Variants in DLG2 observed in about 807,000 individuals in gnomAD.
DLG2 encodes disks large homolog 2.
Under a neutral mutation model 132.5 loss-of-function variants are expected in DLG2, and 45 were observed. That is an observed-to-expected ratio of 0.34 (90% CI 0.27 to 0.44). The LOEUF is 0.44. Among genes scored for constraint, DLG2 ranks in the 20% least tolerant of loss-of-function variants. The probability of loss-of-function intolerance (pLI) is 1.00; values close to 1 mark genes in which losing one functional copy is unlikely to be tolerated. For synonymous variants in DLG2, 424 were observed against 419.6 expected, an observed-to-expected ratio of 1.01 and a Z score of -0.13; for missense variants, 1,045 against 1,196.9, an observed-to-expected ratio of 0.87 and a Z score of 1.87.
intron 21 of DLG2, among the ~76,000 whole-genome samples, chr11:83,512,934 T>A (rs1351071078): frequency 1.3e-5 from 2 of 152,220 alleles, no homozygotes; most frequent in Admixed American, 6.5e-5. Context: ...TCTATCATTG[T>A]TGGACATTTG....
chr11:84,760,382 T>C (rs2067449418), intron 6 of DLG2, among the ~76,000 whole-genome samples: 1 of 152,146 alleles, frequency 6.6e-6, no homozygotes, highest in African/African-American at 2.4e-5. Context: ...GGGCAAAAAG[T>C]CCCCATAACC....
At chr11:84,280,222 G>C (rs140612502) in intron 7 of DLG2, among the ~76,000 whole-genome samples, 6 of 151,854 alleles carry the variant, frequency 4.0e-5, no homozygotes, top group African/African-American at 1.4e-4. Flanking sequence ...CTATATACTA[G>C]CAATAAATTC....
At chr11:84,551,932 C>T (rs970218385) in intron 6 of DLG2, among the ~76,000 whole-genome samples, 6 of 152,182 alleles carry the variant, frequency 3.9e-5, no homozygotes, top group African/African-American at 1.4e-4. Flanking sequence ...GATGATCCCT[C>T]AGCATCTTTC....
chr11:84,314,221 C>A (rs1467909816), intron 7 of DLG2, among the ~76,000 whole-genome samples: 1 of 152,212 alleles, frequency 6.6e-6, no homozygotes, highest in Non-Finnish European at 1.5e-5. Context: ...ACATGTGAGT[C>A]CCTGAACTAT....
intron 12 of DLG2, 140 bp from the exon 13 acceptor site, chr11:83,965,608 T>A: frequency 1.5e-6 from 1 of 672,138 alleles, no homozygotes; most frequent in Non-Finnish European, 2.5e-6. Flanking sequence ...TTAAATGCAT[T>A]AGTCAAAGCA....
chr11:83,692,884 A>C (rs532704346), intron 18 of DLG2: 2 of 152,248 alleles, frequency 1.3e-5, no homozygotes, highest in South Asian at 4.2e-4. Flanking sequence ...TTGGCCCATA[A>C]AAATAATCCC....
chr11:85,450,861 T>G (rs2092215014), intron 3 of DLG2, among the ~76,000 whole-genome samples: 1 of 152,160 alleles, frequency 6.6e-6, no homozygotes, highest in African/African-American at 2.4e-5. Flanking sequence ...CTCCTACCCA[T>G]GTAGCTTTTT....
At chr11:83,946,763 T>C (rs576043628) in intron 14 of DLG2, among the ~76,000 whole-genome samples, 81 of 152,314 alleles carry the variant, frequency 5.3e-4, no homozygotes, top group Non-Finnish European at 1.0e-3. Context: ...ACATAATTTT[T>C]AAAAAATTTT....
intron 6 of DLG2, among the ~76,000 whole-genome samples, chr11:84,939,185 C>T (rs1386139287): frequency 6.6e-6 from 1 of 152,002 alleles, no homozygotes; most frequent in Non-Finnish European, 1.5e-5. Flanking sequence ...AAGTATACAA[C>T]TCAATTTGAG....
At chr11:84,080,024 G>A (rs990028385) in intron 10 of DLG2, among the ~76,000 whole-genome samples, 5 of 152,108 alleles carry the variant, frequency 3.3e-5, no homozygotes, top group East Asian at 1.9e-4. Context: ...ACAGCACTAC[G>A]TCCTTTACAT....
intron 17 of DLG2, among the ~76,000 whole-genome samples, chr11:83,809,117 G>T (rs1183842956): frequency 6.6e-6 from 1 of 152,054 alleles, no homozygotes; most frequent in Non-Finnish European, 1.5e-5. Flanking sequence ...GCCTATGACT[G>T]GCTGTTTACC....
intron 6 of DLG2, among the ~76,000 whole-genome samples, chr11:84,903,950 G>A (rs1239785656): frequency 6.6e-6 from 1 of 151,944 alleles, no homozygotes; most frequent in Non-Finnish European, 1.5e-5. Context: ...TCAATAACAT[G>A]ATGTGAAAGG....
intron 7 of DLG2, among the ~76,000 whole-genome samples, chr11:84,353,847 C>T (rs1265958289): frequency 6.6e-6 from 1 of 152,070 alleles, no homozygotes; most frequent in South Asian, 2.1e-4. Flanking sequence ...TTTACCTAAC[C>T]AACTTCTACT....
At chr11:85,151,893 A>G (rs572043439) in intron 5 of DLG2, among the ~76,000 whole-genome samples, 32 of 152,336 alleles carry the variant, frequency 2.1e-4, no homozygotes, top group Non-Finnish European at 3.8e-4. Context: ...CGCTTTTAAA[A>G]TAAGGATCAT....
chr11:83,995,247 G>A (rs2093961923), intron 11 of DLG2, among the ~76,000 whole-genome samples: 2 of 152,092 alleles, frequency 1.3e-5, no homozygotes, highest in Admixed American at 1.3e-4. Flanking sequence ...AACAGCATAT[G>A]TTAGTACATT....
At chr11:84,358,967 T>C (rs1201763747) in intron 7 of DLG2, among the ~76,000 whole-genome samples, 2 of 151,918 alleles carry the variant, frequency 1.3e-5, no homozygotes, top group East Asian at 1.9e-4. Context: ...TGTTCTTTAC[T>C]TGTCAGTTTT....
intron 27 of DLG2, 126 bp downstream of exon 27, chr11:83,461,876 C>T (rs536054384): frequency 1.5e-6 from 1 of 669,356 alleles, no homozygotes; most frequent in South Asian, 1.7e-5. Context: ...GTATATGAAA[C>T]AGATATTAGG....
intron 20 of DLG2, among the ~76,000 whole-genome samples, chr11:83,541,096 G>A (rs1307096176): frequency 6.6e-6 from 1 of 152,114 alleles, no homozygotes; most frequent in East Asian, 1.9e-4. Context: ...ATTGGAAGTT[G>A]TGAGGTGGGG....
intron 19 of DLG2, among the ~76,000 whole-genome samples, chr11:83,627,786 C>T (rs1180173535): frequency 6.6e-6 from 1 of 152,184 alleles, no homozygotes; most frequent in Non-Finnish European, 1.5e-5. Context: ...GAGGAATCGC[C>T]ACACTGACTT....
Sources: gnomAD v4.1 joint callset for allele counts (sites outside exome capture counted in the v4.1 genomes callset) on GRCh38, gnomAD v4.1.1 for gene constraint, MANE v1.5 for transcripts, NCBI Gene and HGNC (gene_info 2026-07-23, HGNC 2026-07-21) for gene names.